Variants in ENY2 observed in about 807,000 individuals in gnomAD.
ENY2 encodes transcription and mRNA export factor ENY2.
Under a neutral mutation model 15.9 loss-of-function variants are expected in ENY2, and 4 were observed. The observed-to-expected ratio is 0.25, with a 90% CI of 0.12 to 0.57. The LOEUF is 0.57. Among genes scored for constraint, ENY2 ranks in the 20% least tolerant of loss-of-function variants. The pLI is 0.91. For synonymous variants in ENY2, 48 were observed against 38.0 expected (o/e 1.26, Z -0.97); for missense variants, 54 against 117.2 (o/e 0.46, Z 2.49).
At chr8:109,338,159 G>T (rs1231782855) in intron 2 of ENY2, among the ~76,000 whole-genome samples, 2 of 152,126 alleles carry the variant, frequency 1.3e-5, no homozygotes, top group Non-Finnish European at 2.9e-5. Flanking sequence ...AGCAGGAGAA[G>T]AACTAAGTGT....
intron 4 of ENY2, among the ~76,000 whole-genome samples, chr8:109,342,150 T>A (rs1816126941): frequency 6.7e-6 from 1 of 149,494 alleles, no homozygotes. Flanking sequence ...TTAGAAGTTT[T>A]AGTTAACCCC....
At position 109,343,771 on chromosome 8, in the gene ENY2, T is replaced by C; in HGVS notation, c.*290T>C. Reference sequence around the variant, plus strand: ...ATTAATGTAGTTTAAGTATTTAGTATGTACAGTTCTCTGTGTTAACAGCTG... The same window carrying C: ...ATTAATGTAGTTTAAGTATTTAGTACGTACAGTTCTCTGTGTTAACAGCTG... On this transcript the variant is annotated 3_prime_UTR_variant, in exon 5 of 5. Coordinates refer to ENST00000521688, the MANE Select transcript of ENY2 (RefSeq NM_020189.6). 2 of 274,280 alleles carry C rather than the reference T, an allele frequency of 7.3e-6. No homozygotes were observed. The highest frequency in any genetic ancestry group is 6.8e-6 in the Non-Finnish European group (1 of 146,290). 17.0% of individuals were successfully genotyped at this position (274,280 alleles called of 1,614,324 possible). A position where few individuals can be genotyped will look rare whatever the true frequency, so the allele number is the denominator to read the frequency against.
At chr8:109,339,244 A>T in intron 2 of ENY2, 76 bp from the exon 3 acceptor site, 1 of 1,389,186 alleles carries the variant, frequency 7.2e-7, no homozygotes, top group Non-Finnish European at 1.0e-6. Flanking sequence ...TTAGTTGAAC[A>T]CTGAAACTTT....
rs1302362093 is a variant in ENY2, at chr8:109,345,410, C to G, written c.*1929C>G. 6.6e-6 allele frequency: 1 copy of G among 152,164 alleles called. No individual in the cohort carries two copies. The highest frequency in any genetic ancestry group is 1.5e-5 in the Non-Finnish European group (1 of 68,030). 9.4% of individuals were successfully genotyped at this position (152,164 alleles called of 1,614,324 possible). ...TCAAATTGATCTTTGGTTCGAGAGA[C>G]AATTTCATCTTTCTGATGAATTTAA... On this transcript the variant is annotated 3_prime_UTR_variant, in exon 5 of 5. Transcript: ENST00000521688.
intron 2 of ENY2, among the ~76,000 whole-genome samples, chr8:109,337,270 C>A (rs1816006068): frequency 6.6e-6 from 1 of 151,662 alleles, no homozygotes; most frequent in Admixed American, 6.6e-5. Flanking sequence ...AACAGCAACC[C>A]TCAAAATGAG....
intron 4 of ENY2, among the ~76,000 whole-genome samples, chr8:109,341,649 C>G (rs1816114599): frequency 6.6e-6 from 1 of 152,100 alleles, no homozygotes. Context: ...TGTAGCTCCC[C>G]TGCTAGAGAA....
chr8:109,334,394 A>G lies in ENY2; in HGVS notation c.-75A>G. The G allele has an allele frequency of 1.2e-6, 2 of 1,609,642 alleles. No individual in the cohort carries two copies. The highest frequency in any genetic ancestry group is 2.2e-5 in the East Asian group (1 of 44,730). ...CTGAGGGTCTAAGTCCGGGCAGCCG[A>G]AGAGTGTGGTAGGTAACGGTCCTCA... On this transcript the variant is annotated 5_prime_UTR_variant, in exon 1 of 5. Coordinates refer to ENST00000521688, the MANE Select transcript of ENY2 (RefSeq NM_020189.6).
chr8:109,336,420 T>C (rs72682697), intron 2 of ENY2: 82,289 of 474,978 alleles, frequency 0.17, 7,954 homozygotes, highest in South Asian at 0.27. Context: ...AAGATATGGC[T>C]CTTAAAGAGT....
rs1400184255 is a variant in ENY2 at position 109,343,690 on chromosome 8, A to G, written c.*209A>G. On this transcript the variant is annotated 3_prime_UTR_variant, in exon 5 of 5. Transcript: ENST00000521688. ...GTTTGAAGTTTGCTTGGATTTTGAA[A>G]TGAATGGGACTTTGTCTTTATTACT... 8.1e-6 allele frequency: 4 copies of G among 496,824 alleles called. No homozygotes were observed. The highest frequency in any genetic ancestry group is 3.1e-5 in the South Asian group (1 of 32,268). 30.8% of individuals were successfully genotyped at this position (496,824 alleles called of 1,614,324 possible). A position where few individuals can be genotyped will look rare whatever the true frequency, so the allele number is the denominator to read the frequency against.
At position 109,345,241 on chromosome 8, in the gene ENY2, C is replaced by G. The variant is rs1458858728; in HGVS notation, c.*1760C>G. ...AGTTCTTGAAATTTTGCAGGCCTCT[C>G]CTGGAAAGGAGGAAATGACTTCTCT... is the stretch of plus-strand genomic sequence containing the variant. On this transcript the variant is annotated 3_prime_UTR_variant, in exon 5 of 5. Transcript: ENST00000521688. 6.6e-6 allele frequency: 1 copy of G among 152,046 alleles called. No individual in the cohort carries two copies. The highest frequency in any genetic ancestry group is 1.5e-5 in the Non-Finnish European group (1 of 68,026). 9.4% of individuals were successfully genotyped at this position (152,046 alleles called of 1,614,324 possible).
At chr8:109,339,549 C>G in intron 3 of ENY2, 159 bp downstream of exon 3, 2 of 541,118 alleles carry the variant, frequency 3.7e-6, no homozygotes, top group Non-Finnish European at 6.2e-6. Flanking sequence ...ATATGTAGAC[C>G]TAATTCCCAA....
At chr8:109,336,409 C>T in intron 2 of ENY2, 3 of 517,306 alleles carry the variant, frequency 5.8e-6, no homozygotes, top group Non-Finnish European at 1.0e-5. Context: ...GAAAGATGAG[C>T]AAGATATGGC....
chr8:109,336,635 T>A (rs1815991323), intron 2 of ENY2: 1 of 158,106 alleles, frequency 6.3e-6, no homozygotes, highest in Non-Finnish European at 1.4e-5. Flanking sequence ...CAGGTCTAAT[T>A]TATATATTGT....
Position 109,344,150 on chromosome 8 carries a change from C to G in ENY2, c.*669C>G, listed in dbSNP as rs1243949755. 1.3e-5 allele frequency: 2 copies of G among 152,210 alleles called. No individual in the cohort carries two copies. Among genetic ancestry groups the G allele is most frequent in the African/African-American group, 4.8e-5 (2 of 41,456 alleles). 9.4% of individuals were successfully genotyped at this position (152,210 alleles called of 1,614,324 possible). A position where few individuals can be genotyped will look rare whatever the true frequency, so the allele number is the denominator to read the frequency against. On this transcript the variant is annotated 3_prime_UTR_variant, in exon 5 of 5. Coordinates refer to ENST00000521688, the MANE Select transcript of ENY2 (RefSeq NM_020189.6). Reference sequence around the variant, plus strand: ...CCACCCATTAGCTTTACCCTGACATCAGGATTGCCAAATCCAATGGACTCT... The same window carrying G: ...CCACCCATTAGCTTTACCCTGACATGAGGATTGCCAAATCCAATGGACTCT...
At chr8:109,342,936 T>A (rs1816155278) in intron 4 of ENY2, 1 of 489,836 alleles carries the variant, frequency 2.0e-6, no homozygotes, top group African/African-American at 2.0e-5. Flanking sequence ...TTTCTTCATC[T>A]CTTTTGTTCA....
intron 2 of ENY2, among the ~76,000 whole-genome samples, chr8:109,338,105 G>GT (rs1210936643): frequency 1.3e-5 from 2 of 152,222 alleles, no homozygotes; most frequent in African/African-American, 4.8e-5. Flanking sequence ...AAGTCTTGGA[G>GT]TTTTATTCTG....
chr8:109,340,660 A>G, intron 4 of ENY2, 97 bp downstream of exon 4: 1 of 1,497,568 alleles, frequency 6.7e-7, no homozygotes, highest in Non-Finnish European at 9.1e-7. Flanking sequence ...TTTAAGGAAA[A>G]GCACTACCTG....
At chr8:109,343,346 A>C in intron 4 of ENY2, 59 bp from the exon 5 acceptor site, 2 of 1,353,952 alleles carry the variant, frequency 1.5e-6, no homozygotes, top group Non-Finnish European at 2.1e-6. Context: ...GTCAGATCTT[A>C]AATTCTCATG....
chr8:109,337,160 AAGAT>A (rs1421610839), intron 2 of ENY2, among the ~76,000 whole-genome samples: 1 of 151,912 alleles, frequency 6.6e-6, no homozygotes. Flanking sequence ...TGAAGGGGAC[AAGAT>A]AGATGGCAGA....
Sources: allele counts gnomAD v4.1 joint callset (sites outside exome capture counted in the v4.1 genomes callset), GRCh38; gene constraint gnomAD v4.1.1; transcripts MANE v1.5; gene names NCBI Gene and HGNC (gene_info 2026-07-23, HGNC 2026-07-21).